SYT13: variants seen among roughly 807,000 people sequenced by gnomAD.
SYT13 encodes the protein synaptotagmin 13, also known as synaptotagmin-13.
A neutral mutation model predicts 38.6 loss-of-function variants in SYT13; 21 were observed. That is an observed-to-expected ratio of 0.54 (90% CI 0.39 to 0.78). The LOEUF is 0.78. SYT13 is among the 30% of genes least tolerant of loss of function. The probability of loss-of-function intolerance (pLI) is 0.00; values close to 1 mark genes in which losing one functional copy is unlikely to be tolerated. For synonymous variants in SYT13, 241 were observed against 237.6 expected, an observed-to-expected ratio of 1.01 and a Z score of -0.13; for missense variants, 495 against 548.7, an observed-to-expected ratio of 0.90 and a Z score of 0.98.
At chr11:45,258,820 A>G (rs1854779230) in intron 1 of SYT13, among the ~76,000 whole-genome samples, 1 of 152,150 alleles carries the variant, frequency 6.6e-6, no homozygotes, top group Non-Finnish European at 1.5e-5. Flanking sequence ...GCAGATGCTC[A>G]GGGTCCTTGG....
intron 3 of SYT13, 125 bp downstream of exon 3, chr11:45,254,145 G>C (rs1854712996): frequency 9.2e-7 from 1 of 1,091,570 alleles, no homozygotes; most frequent in Non-Finnish European, 1.2e-6. Context: ...ATGTGTTCCA[G>C]GGTCTGGTTG....
chr11:45,269,574 T>G, intron 1 of SYT13: 3 of 822,572 alleles, frequency 3.6e-6, no homozygotes, highest in Non-Finnish European at 5.2e-6. Flanking sequence ...GTGCCTAATA[T>G]TTTCTCTATT....
chr11:45,248,604 G>A (rs1423175326), intron 4 of SYT13, among the ~76,000 whole-genome samples: 2 of 152,208 alleles, frequency 1.3e-5, no homozygotes, highest in Admixed American at 6.5e-5. Flanking sequence ...TCATTTCACA[G>A]TGAAGGAACT....
intron 5 of SYT13, among the ~76,000 whole-genome samples, chr11:45,244,691 T>G (rs1309868453): frequency 2.0e-5 from 3 of 152,150 alleles, no homozygotes; most frequent in Non-Finnish European, 4.4e-5. Flanking sequence ...AGGCCATGCA[T>G]TCATTCAACA....
rs372532235 is a variant in SYT13, at chr11:45,252,405, C to G, written c.846+16G>C. The G allele has an allele frequency of 3.7e-4, 572 of 1,553,528 alleles. No individual in the cohort carries two copies. The highest frequency in any genetic ancestry group is 7.5e-4 in the Admixed American group (42 of 55,866). ...CACGGGCAGGTTTTACCTTTCTAAC[C>G]CAGGGGTTACCCTACCTTCGCTGAA... On this transcript the variant is annotated intron_variant, in intron 4 of 5. Coordinates refer to ENST00000020926, the MANE Select transcript of SYT13 (RefSeq NM_020826.3). This position sits in a 1 kb window ranked among gnomAD's most constrained non-coding sequence, Gnocchi z 4.3.
chr11:45,255,884 A>C lies in SYT13; in HGVS notation c.191T>G (p.Val64Gly), dbSNP rs764898286. Residue 64 changes from valine to glycine, a missense_variant, in exon 2 of 6, where the codon GTT becomes GGT. By Grantham distance (109) the Val-to-Gly change is moderately radical (BLOSUM62 -3). Coordinates refer to ENST00000020926, the MANE Select transcript of SYT13 (RefSeq NM_020826.3). ...SLLGSAQQFN[V>G]KKSTEPVQPR... ...CTGAACAGGTTCCGTGGACTTTTTA[A>C]CATTGAACTGCAAACACAAATTACT... 348 of 1,613,998 alleles carry C rather than the reference A, an allele frequency of 2.2e-4. No homozygotes were observed. The highest frequency in any genetic ancestry group is 2.8e-4 in the Non-Finnish European group (331 of 1,180,038).
At chr11:45,264,032 G>A (rs1323151893) in intron 1 of SYT13, among the ~76,000 whole-genome samples, 1 of 152,192 alleles carries the variant, frequency 6.6e-6, no homozygotes, top group South Asian at 2.1e-4. Flanking sequence ...TACAAAAAGT[G>A]GGGTTTGTGT....
intron 1 of SYT13, among the ~76,000 whole-genome samples, chr11:45,264,925 G>A (rs1854863552): frequency 6.6e-6 from 1 of 152,168 alleles, no homozygotes; most frequent in Non-Finnish European, 1.5e-5. Flanking sequence ...TTGGAAAACT[G>A]GAAGTTTCTT....
chr11:45,245,732 T>C (rs1433697580), intron 5 of SYT13, among the ~76,000 whole-genome samples: 1 of 152,184 alleles, frequency 6.6e-6, no homozygotes, highest in African/African-American at 2.4e-5. Context: ...AAGGAAAAAC[T>C]GAGGCTTCCA....
At chr11:45,253,182 C>T (rs1025468450) in intron 3 of SYT13, among the ~76,000 whole-genome samples, 1 of 152,214 alleles carries the variant, frequency 6.6e-6, no homozygotes, top group East Asian at 1.9e-4. Context: ...CAATGCTTCA[C>T]AATGTGTGGC....
intron 1 of SYT13, among the ~76,000 whole-genome samples, chr11:45,266,542 A>C (rs890608488): frequency 6.6e-6 from 1 of 151,690 alleles, no homozygotes; most frequent in African/African-American, 2.4e-5. Context: ...ACATACACAC[A>C]TCCTAATGTC....
intron 1 of SYT13, among the ~76,000 whole-genome samples, chr11:45,259,236 C>T (rs1854787673): frequency 1.3e-5 from 2 of 152,166 alleles, no homozygotes; most frequent in Non-Finnish European, 2.9e-5. Context: ...TAAAGTCACC[C>T]TCTACTGTCA....
Position 45,241,801 on chromosome 11 carries a change from A to G in SYT13, c.*2251T>C, listed in dbSNP as rs948966643. The G allele has an allele frequency of 4.6e-5, 7 of 152,204 alleles. No individual in the cohort carries two copies. The highest frequency in any genetic ancestry group is 8.8e-5 in the Non-Finnish European group (6 of 68,044). The allele number at this position is 152,204 out of a possible 1,614,324, so 9.4% of individuals were successfully genotyped here. On this transcript the variant is annotated 3_prime_UTR_variant, in exon 6 of 6. Transcript: ENST00000020926. Reference sequence around the variant, plus strand: ...TCTTTTACCCACACCAACCAAAGAGAAGAAACCAGTATGGTGAAGAGATCT... The same window carrying G: ...TCTTTTACCCACACCAACCAAAGAGGAGAAACCAGTATGGTGAAGAGATCT...
Position 45,286,334 on chromosome 11 carries a change from G to T in SYT13, c.-127C>A, listed in dbSNP as rs990936285. 1 of 1,135,504 alleles carries T rather than the reference G, an allele frequency of 8.8e-7. No homozygotes were observed. The highest frequency in any genetic ancestry group is 2.8e-5 in the East Asian group (1 of 35,136). 70.3% of individuals were successfully genotyped at this position (1,135,504 alleles called of 1,614,324 possible). ...CTCCCGCCGCCAGAGGGGCGGGGACGGAGGGAGGGAGGACGGCTGCGAGGA... is the reference window on the plus strand; with the variant it reads ...CTCCCGCCGCCAGAGGGGCGGGGACTGAGGGAGGGAGGACGGCTGCGAGGA... On this transcript the variant is annotated 5_prime_UTR_variant, in exon 1 of 6. Transcript: ENST00000020926.
intron 4 of SYT13, among the ~76,000 whole-genome samples, chr11:45,250,776 C>T (rs1439647755): frequency 6.6e-6 from 1 of 152,074 alleles, no homozygotes; most frequent in Non-Finnish European, 1.5e-5. Context: ...AAAAGAGGAG[C>T]AGACAGCGGG....
rs1479607760 is a variant in SYT13, at chr11:45,252,380, C to T, written c.846+41G>A. 6.6e-7 allele frequency: 1 copy of T among 1,519,214 alleles called. No homozygotes were observed. The highest frequency in any genetic ancestry group is 1.9e-5 in the Admixed American group (1 of 51,690). 94.1% of individuals were successfully genotyped at this position (1,519,214 alleles called of 1,614,324 possible). A position where few individuals can be genotyped will look rare whatever the true frequency, so the allele number is the denominator to read the frequency against. The stretch of plus-strand genomic sequence containing the variant: ...CACCAGGTTCTGCCATCCCATGCTG[C>T]ACGGGCAGGTTTTACCTTTCTAACC... On this transcript the variant is annotated intron_variant, in intron 4 of 5. Transcript: ENST00000020926. This position sits in a 1 kb window ranked among gnomAD's most constrained non-coding sequence, Gnocchi z 4.3.
In SYT13 at chr11:45,241,825, C is replaced by T. The variant is rs1854555435; in HGVS notation, c.*2227G>A. ...GAAGAAACCAGTATGGTGAAGAGATCTCTAAAACATTTCATAGGAAGCCAC... is the reference window on the plus strand; with the variant it reads ...GAAGAAACCAGTATGGTGAAGAGATTTCTAAAACATTTCATAGGAAGCCAC... On this transcript the variant is annotated 3_prime_UTR_variant, in exon 6 of 6. Transcript: ENST00000020926. 6.6e-6 allele frequency: 1 copy of T among 152,198 alleles called. No homozygotes were observed. The highest frequency in any genetic ancestry group is 1.5e-5 in the Non-Finnish European group (1 of 68,048). The allele number at this position is 152,198 out of a possible 1,614,324, so 9.4% of individuals were successfully genotyped here. A position where few individuals can be genotyped will look rare whatever the true frequency, so the allele number is the denominator to read the frequency against.
intron 1 of SYT13, among the ~76,000 whole-genome samples, chr11:45,280,315 G>A (rs917667964): frequency 2.0e-5 from 3 of 151,946 alleles, no homozygotes; most frequent in African/African-American, 7.3e-5. Flanking sequence ...ACAGGAGGTG[G>A]CCATGGGAGA....
chr11:45,278,476 G>A (rs1374548125), intron 1 of SYT13, among the ~76,000 whole-genome samples: 3 of 151,968 alleles, frequency 2.0e-5, no homozygotes, highest in Non-Finnish European at 4.4e-5. Context: ...TCTTCCTTCT[G>A]CCTTTGCTTG....
Sources: allele counts gnomAD v4.1 joint callset (sites outside exome capture counted in the v4.1 genomes callset), GRCh38; gene constraint gnomAD v4.1.1; non-coding constraint Gnocchi (gnomAD v3.1); transcripts MANE v1.5; gene names NCBI Gene and HGNC (gene_info 2026-07-23, HGNC 2026-07-21).